Variants in CFAP61 observed in about 807,000 individuals in gnomAD.
The protein encoded by CFAP61 is cilia- and flagella-associated protein 61.
A neutral mutation model predicts 135.6 loss-of-function variants in CFAP61; 107 were observed. The observed-to-expected ratio is 0.79, with a 90% CI of 0.67 to 0.93. The LOEUF (loss-of-function observed/expected upper bound fraction) is 0.93. Among genes scored for constraint, CFAP61 ranks in the 40% least tolerant of loss-of-function variants. The probability of loss-of-function intolerance (pLI) is 0.00; values close to 1 mark genes in which losing one functional copy is unlikely to be tolerated. For synonymous variants in CFAP61, 575 were observed against 578.5 expected (o/e 0.99, Z 0.09); for missense variants, 1,507 against 1,556.2 (o/e 0.97, Z 0.53).
At chr20:20,173,372 C>A (rs1052331355) in intron 13 of CFAP61, among the ~76,000 whole-genome samples, 3 of 152,188 alleles carry the variant, frequency 2.0e-5, no homozygotes, top group Non-Finnish European at 4.4e-5. Context: ...GACAGAGTGG[C>A]TGAGCCATTT....
Position 20,056,648 on chromosome 20 carries a change from T to TA in CFAP61, c.1dup. On this transcript the variant is annotated 5_prime_UTR_variant, in exon 2 of 27. Coordinates refer to ENST00000245957, the MANE Select transcript of CFAP61 (RefSeq NM_015585.4). ...TTTTTTCTCTCTTTTGGGGACAGGA[T>TA]AAAAAATGTCAGTACTCACTTCTCC... 1.2e-6 allele frequency: 2 copies of TA among 1,613,804 alleles called. No individual in the cohort carries two copies. The highest frequency in any genetic ancestry group is 1.7e-6 in the Non-Finnish European group (2 of 1,179,846).
intron 6 of CFAP61, among the ~76,000 whole-genome samples, chr20:20,090,400 G>C (rs1178878728): frequency 3.9e-5 from 6 of 152,084 alleles, no homozygotes; most frequent in Admixed American, 6.6e-5. Flanking sequence ...CCTATTAGAA[G>C]GAAAGTTCAG....
intron 22 of CFAP61, among the ~76,000 whole-genome samples, chr20:20,284,304 G>C (rs6075639): frequency 3.6e-4 from 4 of 11,038 alleles, no homozygotes; most frequent in Non-Finnish European, 1.8e-3. Flanking sequence ...ATTTTATTTT[G>C]AGATGGAGTC....
chr20:20,312,792 A>G (rs753542822), intron 25 of CFAP61, among the ~76,000 whole-genome samples: 5 of 152,236 alleles, frequency 3.3e-5, no homozygotes, highest in Non-Finnish European at 7.3e-5. Flanking sequence ...CAGTGGAGCA[A>G]CATTGTTAAA....
intron 8 of CFAP61, among the ~76,000 whole-genome samples, chr20:20,121,628 G>A (rs747853512): frequency 5.3e-5 from 8 of 152,102 alleles, no homozygotes; most frequent in Non-Finnish European, 1.0e-4. Flanking sequence ...CCGAGTAACT[G>A]GAATTACAGG....
chr20:20,284,643 C>A (rs1434929737), intron 22 of CFAP61, among the ~76,000 whole-genome samples: 2 of 152,170 alleles, frequency 1.3e-5, no homozygotes, highest in Non-Finnish European at 2.9e-5. Flanking sequence ...GATTATAATA[C>A]ACATCAGCAA....
intron 9 of CFAP61, among the ~76,000 whole-genome samples, chr20:20,146,176 CATG>C (rs1007180941): frequency 5.9e-5 from 9 of 152,098 alleles, no homozygotes; most frequent in Non-Finnish European, 1.2e-4. Context: ...CACAGATAGA[CATG>C]AGTGAATAAT....
chr20:20,053,468 C>T (rs1165847910), intron 1 of CFAP61, among the ~76,000 whole-genome samples: 2 of 152,200 alleles, frequency 1.3e-5, no homozygotes, highest in Non-Finnish European at 1.5e-5. Flanking sequence ...TTAGGGTTCA[C>T]TCTTGGTGTA....
At chr20:20,280,177 C>G (rs1283568994) in intron 22 of CFAP61, among the ~76,000 whole-genome samples, 6 of 152,102 alleles carry the variant, frequency 3.9e-5, no homozygotes, top group Non-Finnish European at 1.5e-5. Context: ...GGCTGGTGTC[C>G]TTAAATAGAG....
chr20:20,345,766 C>T (rs2058604895), intron 26 of CFAP61, among the ~76,000 whole-genome samples: 2 of 148,012 alleles, frequency 1.4e-5, no homozygotes, highest in Admixed American at 1.4e-4. Flanking sequence ...GCTAAAAATA[C>T]AAAAAATTAG....
intron 25 of CFAP61, among the ~76,000 whole-genome samples, chr20:20,315,880 C>T (rs1445562390): frequency 2.6e-5 from 4 of 152,166 alleles, no homozygotes; most frequent in Non-Finnish European, 5.9e-5. Flanking sequence ...GGGCTCTGTT[C>T]TGTTCCATTG....
chr20:20,067,567 TGGATGG>T (rs2045365505), intron 2 of CFAP61, among the ~76,000 whole-genome samples: 1 of 150,018 alleles, frequency 6.7e-6, no homozygotes, highest in Admixed American at 6.7e-5. Flanking sequence ...ACTTGAACCC[TGGATGG>T]GGAGGTTGCA....
chr20:20,139,373 C>T (rs958806710), intron 8 of CFAP61, among the ~76,000 whole-genome samples: 4 of 152,224 alleles, frequency 2.6e-5, no homozygotes, highest in Non-Finnish European at 5.9e-5. Context: ...TTCAGATAAG[C>T]AGTCTCACTT....
At chr20:20,201,644 G>T (rs777411681) in intron 17 of CFAP61, among the ~76,000 whole-genome samples, 3 of 152,168 alleles carry the variant, frequency 2.0e-5, no homozygotes, top group Admixed American at 6.5e-5. Flanking sequence ...AGAGACAGTG[G>T]CTACATGCTG....
At chr20:20,298,050 T>C (rs2055777580) in intron 24 of CFAP61, 131 bp from the exon 25 acceptor site, 1 of 649,004 alleles carries the variant, frequency 1.5e-6, no homozygotes, top group South Asian at 1.9e-5. Context: ...TCAATATCTA[T>C]TACTGTTATT....
intron 18 of CFAP61, among the ~76,000 whole-genome samples, chr20:20,243,708 A>G (rs2050196027): frequency 6.6e-6 from 1 of 152,134 alleles, no homozygotes. Context: ...AAGTGCTGGG[A>G]TTACAGGTAT....
intron 17 of CFAP61, chr20:20,221,631 A>G (rs1002689459): frequency 2.6e-5 from 4 of 152,134 alleles, no homozygotes; most frequent in African/African-American, 9.7e-5. Flanking sequence ...CTTCAATTGC[A>G]TTATTTGCTG....
chr20:20,262,918 A>G (rs41279010), intron 20 of CFAP61, 38 bp from the exon 21 acceptor site: 439,300 of 1,428,878 alleles, frequency 0.31, 69,862 homozygotes, highest in Middle Eastern at 0.35. Context: ...CACTTTATCT[A>G]TTATCACTGA....
intron 26 of CFAP61, among the ~76,000 whole-genome samples, chr20:20,348,357 A>T (rs1329850445): frequency 1.3e-5 from 2 of 152,188 alleles, no homozygotes; most frequent in African/African-American, 4.8e-5. Context: ...GTAGTTCAAC[A>T]TATAAAAATG....
Sources: gnomAD v4.1 joint callset for allele counts (sites outside exome capture counted in the v4.1 genomes callset) on GRCh38, gnomAD v4.1.1 for gene constraint, MANE v1.5 for transcripts, NCBI Gene and HGNC (gene_info 2026-07-23, HGNC 2026-07-21) for gene names.